Variants in ST3GAL2 observed in about 807,000 individuals in gnomAD.
ST3GAL2 encodes CMP-N-acetylneuraminate-beta-galactosamide-alpha-2,3-sialyltransferase 2.
A neutral mutation model predicts 37.5 loss-of-function variants in ST3GAL2; 16 were observed. The ratio of observed to expected loss-of-function variants is 0.43; its 90% confidence interval spans 0.29 to 0.65. The LOEUF is 0.65. Among genes scored for constraint, ST3GAL2 ranks in the 30% least tolerant of loss-of-function variants. The pLI, the probability that ST3GAL2 is intolerant of heterozygous loss-of-function variation, is 0.17. For synonymous variants in ST3GAL2, 238 were observed against 202.9 expected, an observed-to-expected ratio of 1.17 and a Z score of -1.47; for missense variants, 383 against 487.8, an observed-to-expected ratio of 0.79 and a Z score of 2.02.
At chr16:70,386,579 C>T (rs912493614) in intron 4 of ST3GAL2, among the ~76,000 whole-genome samples, 5 of 152,034 alleles carry the variant, frequency 3.3e-5, no homozygotes, top group African/African-American at 1.2e-4. Flanking sequence ...ACCTCATGAT[C>T]GCCCACATCG....
intron 1 of ST3GAL2, among the ~76,000 whole-genome samples, chr16:70,422,268 C>T (rs1268880951): frequency 6.6e-6 from 1 of 152,200 alleles, no homozygotes; most frequent in Non-Finnish European, 1.5e-5. Context: ...TGAGCAATGA[C>T]TGTAGGCTGT....
chr16:70,428,441 T>A (rs1429271449), intron 1 of ST3GAL2, among the ~76,000 whole-genome samples: 2 of 152,216 alleles, frequency 1.3e-5, no homozygotes, highest in Non-Finnish European at 2.9e-5. Flanking sequence ...CCTTGCAGCC[T>A]GTGAACAAAC....
Position 70,381,872 on chromosome 16 carries a change from A to G in ST3GAL2, c.880-10T>C, listed in dbSNP as rs754658306. 2 of 1,612,242 alleles carry G rather than the reference A, an allele frequency of 1.2e-6. No individual in the cohort carries two copies. The highest frequency in any genetic ancestry group is 1.7e-6 in the Non-Finnish European group (2 of 1,178,898). Reference sequence around the variant, plus strand: ...ACCCGTACACGTTCACCTGCGGGGAAGCGCAGCGGAGCGTCACCCCAGGCG... The same window carrying G: ...ACCCGTACACGTTCACCTGCGGGGAGGCGCAGCGGAGCGTCACCCCAGGCG... On this transcript the variant is annotated splice_polypyrimidine_tract_variant and intron_variant, in intron 6 of 6. Coordinates refer to ENST00000342907, the MANE Select transcript of ST3GAL2 (RefSeq NM_006927.4).
intron 1 of ST3GAL2, among the ~76,000 whole-genome samples, chr16:70,421,416 A>T (rs2047713601): frequency 6.6e-6 from 1 of 152,146 alleles, no homozygotes; most frequent in Non-Finnish European, 1.5e-5. Context: ...ATCCTCAAGG[A>T]CTGACCTGCC....
At chr16:70,382,036 C>T (rs929595530) in intron 6 of ST3GAL2, among the ~76,000 whole-genome samples, 174 bp from the exon 7 acceptor site, 2 of 151,190 alleles carry the variant, frequency 1.3e-5, no homozygotes, top group Admixed American at 6.6e-5. Context: ...CCTTTGCAGC[C>T]CTTGCAAATT....
At chr16:70,408,652 T>G (rs1031050921) in intron 1 of ST3GAL2, among the ~76,000 whole-genome samples, 1 of 151,898 alleles carries the variant, frequency 6.6e-6, no homozygotes, top group African/African-American at 2.4e-5. Flanking sequence ...CCTCCCTTCC[T>G]GCAGGACATC....
intron 1 of ST3GAL2, among the ~76,000 whole-genome samples, chr16:70,419,130 C>T (rs752632182): frequency 2.0e-5 from 3 of 152,202 alleles, no homozygotes; most frequent in Non-Finnish European, 4.4e-5. Context: ...ACTGTAAGCT[C>T]CAGCAGGCTG....
At chr16:70,415,743 G>A (rs1344434809) in intron 1 of ST3GAL2, among the ~76,000 whole-genome samples, 3 of 144,354 alleles carry the variant, frequency 2.1e-5, no homozygotes, top group Non-Finnish European at 4.5e-5. Context: ...TTGATCCACC[G>A]TGCCCAGCTT....
intron 2 of ST3GAL2, 120 bp from the exon 3 acceptor site, chr16:70,395,295 C>T (rs2047508246): frequency 1.1e-6 from 1 of 930,340 alleles, no homozygotes; most frequent in African/African-American, 1.7e-5. Context: ...CCTCTTTATC[C>T]AGGGCTCTGC....
At chr16:70,429,053 G>A (rs371912630) in intron 1 of ST3GAL2, among the ~76,000 whole-genome samples, 1 of 152,226 alleles carries the variant, frequency 6.6e-6, no homozygotes, top group Non-Finnish European at 1.5e-5. Context: ...AGTTGGAAGT[G>A]GGGGTGAGGA....
intron 1 of ST3GAL2, among the ~76,000 whole-genome samples, chr16:70,405,877 G>A (rs983639558): frequency 1.9e-4 from 29 of 151,688 alleles, no homozygotes; most frequent in Admixed American, 5.3e-4. Context: ...TGGCTAACAT[G>A]GTGAAACCCC....
Position 70,388,527 on chromosome 16 carries a change from C to T in ST3GAL2, c.553G>A (p.Val185Met), listed in dbSNP as rs779489877. The change falls in exon 4 of 7, where the codon GTG becomes ATG. Residue 185 changes from valine to methionine, a missense_variant. Physicochemically the swap from Val to Met is conservative, Grantham distance 21. Around this residue, in one of 2 missense-constraint regions of ST3GAL2, gnomAD observed 160 missense variants for 248.6 expected, o/e 0.64. Coordinates refer to ENST00000342907, the MANE Select transcript of ST3GAL2 (RefSeq NM_006927.4). Reference sequence around the variant, plus strand: ...CTGCCAACATCCTGCTCAAAGCCCACGGTTGGCGCCTGATTCATCCTGCAG... The same window carrying T: ...CTGCCAACATCCTGCTCAAAGCCCATGGTTGGCGCCTGATTCATCCTGCAG... ...FIMRMNQAPT[V>M]GFEQDVGSRT... is the part of the protein sequence containing the mutation. The T allele has an allele frequency of 8.1e-6, 13 of 1,598,066 alleles. No homozygotes were observed. The highest frequency in any genetic ancestry group is 4.5e-5 in the East Asian group (2 of 44,532).
intron 1 of ST3GAL2, among the ~76,000 whole-genome samples, chr16:70,420,019 C>CT (rs397739975): frequency 6.6e-4 from 97 of 147,980 alleles, no homozygotes; most frequent in African/African-American, 2.4e-3. Flanking sequence ...TGACCCCCCC[C>CT]TTCCCTTTTT....
intron 1 of ST3GAL2, among the ~76,000 whole-genome samples, chr16:70,434,811 G>A (rs2047814395): frequency 6.6e-6 from 1 of 152,206 alleles, no homozygotes. Context: ...AGGAGTCCCA[G>A]GGCCACTGTG....
intron 2 of ST3GAL2, 113 bp downstream of exon 2, chr16:70,398,079 G>A: frequency 9.2e-7 from 1 of 1,081,674 alleles, no homozygotes; most frequent in Middle Eastern, 2.8e-4. Flanking sequence ...CCTATAAATG[G>A]CTTGGTCAAA....
Position 70,381,607 on chromosome 16 carries a change from G to T in ST3GAL2, c.*82C>A. The T allele has an allele frequency of 6.6e-7, 1 of 1,521,518 alleles. No homozygotes were observed. Among genetic ancestry groups the T allele is most frequent in the Non-Finnish European group, 8.8e-7 (1 of 1,130,448 alleles). The allele number at this position is 1,521,518 out of a possible 1,614,324, so 94.3% of individuals were successfully genotyped here. On this transcript the variant is annotated 3_prime_UTR_variant, in exon 7 of 7. Transcript: ENST00000342907. ...ACGCCCCTGGGCTGCAGCATGATTG[G>T]TCGCGGGTTGCTGGTCCTGGGTCCC...
intron 4 of ST3GAL2, among the ~76,000 whole-genome samples, chr16:70,383,559 G>T: frequency 8.1e-6 from 1 of 122,936 alleles, no homozygotes; most frequent in East Asian, 2.0e-4. Flanking sequence ...AAAAAAAAAA[G>T]GAAAGGAAAG....
In ST3GAL2 at chr16:70,410,842, C is replaced by T. The variant is rs142670417; in HGVS notation, c.-1003-11309G>A. Among the ~76,000 whole-genome samples, 67 of 142,682 alleles carry T rather than the reference C, an allele frequency of 4.7e-4. 1 individual carries two copies. In the East Asian group the frequency reaches 0.013, roughly 27 times the overall value. The allele number at this position is 142,682 out of a possible 152,430, so 93.6% of individuals were successfully genotyped here. ...TTTTTTTTTTGTCTCTGTGTTTTGC[C>T]GTCTGTAGCAGACACTGTTGGCTGT... On this transcript the variant is annotated intron_variant, in intron 1 of 6. Transcript: ENST00000342907.
At chr16:70,406,712 T>C (rs918266381) in intron 1 of ST3GAL2, among the ~76,000 whole-genome samples, 2 of 149,424 alleles carry the variant, frequency 1.3e-5, no homozygotes, top group African/African-American at 4.9e-5. Flanking sequence ...ACCTGGGAGG[T>C]GGAGGTTGCG....
Sources: gnomAD v4.1 joint callset for allele counts (sites outside exome capture counted in the v4.1 genomes callset) on GRCh38, gnomAD v4.1.1 for gene constraint, gnomAD v4.1.1 regional missense constraint, MANE v1.5 for transcripts, NCBI Gene and HGNC (gene_info 2026-07-23, HGNC 2026-07-21) for gene names.